TBC1D1: variants seen among roughly 807,000 people sequenced by gnomAD.
TBC1D1 encodes TBC1 (tre-2/USP6, BUB2, cdc16) domain family, member 1.
In TBC1D1, 89 loss-of-function variants were observed where a neutral mutation model predicts 125.6. That is an observed-to-expected ratio of 0.71 (90% CI 0.60 to 0.85). The LOEUF is 0.85. Among genes scored for constraint, TBC1D1 ranks in the 40% least tolerant of loss-of-function variants. TBC1D1 has a pLI of 0.00. For missense variants in TBC1D1, 1,377 were observed against 1,469.2 expected, an observed-to-expected ratio of 0.94 and a Z score of 1.03; for synonymous variants, 565 against 564.1, an observed-to-expected ratio of 1.00 and a Z score of -0.02.
At position 38,049,805 on chromosome 4, in the gene TBC1D1, A is replaced by G; in HGVS notation, c.1817A>G (p.Glu606Gly). 2 of 1,614,182 alleles carry G rather than the reference A, an allele frequency of 1.2e-6. No individual in the cohort carries two copies. Among genetic ancestry groups the G allele is most frequent in the South Asian group, 1.1e-5 (1 of 91,082 alleles). ...AGTCACTTCCCCATCGAATGCCAGG[A>G]ACCTCCACAACCTGCCCGGGGGTCC... Residue 606 changes from glutamate to glycine, a missense_variant, in exon 11 of 20, where the codon GAA becomes GGA. Glu to Gly is a moderately conservative substitution (Grantham distance 98). Transcript: ENST00000261439.
intron 8 of TBC1D1, among the ~76,000 whole-genome samples, chr4:38,038,854 G>A (rs1292581594): frequency 6.6e-6 from 1 of 151,698 alleles, no homozygotes; most frequent in Non-Finnish European, 1.5e-5. Context: ...GCTGAGGCAG[G>A]AGAATGGCAT....
At chr4:37,904,075 A>G (rs1009417223) in intron 2 of TBC1D1, among the ~76,000 whole-genome samples, 2 of 152,208 alleles carry the variant, frequency 1.3e-5, no homozygotes, top group Non-Finnish European at 2.9e-5. Flanking sequence ...GCCTCAGGCA[A>G]TTGAGTCTGT....
At chr4:38,017,693 CTA>C (rs1420272949) in intron 3 of TBC1D1, among the ~76,000 whole-genome samples, 2 of 152,120 alleles carry the variant, frequency 1.3e-5, no homozygotes, top group African/African-American at 2.4e-5. Context: ...TGAGGAGAAA[CTA>C]AAGCTGTAGA....
chr4:38,054,257 CGGAGGCATTCCT>C lies in TBC1D1; in HGVS notation c.1977_1988del (p.His659_Arg662del). The C allele has an allele frequency of 6.2e-7, 1 of 1,614,154 alleles. No homozygotes were observed. Among genetic ancestry groups the C allele is most frequent in the Non-Finnish European group, 8.5e-7 (1 of 1,180,012 alleles). ...TTCTGGTGGGACTCCTGTGAAGACC[CGGAGGCATTCCT>C]GGAGGCAGCAGATATTCCTCCGAGT... On this transcript the variant is annotated inframe_deletion, in exon 12 of 20. Transcript: ENST00000261439.
At chr4:38,135,843 A>AAT (rs1227457371) in intron 19 of TBC1D1, among the ~76,000 whole-genome samples, 180 of 131,542 alleles carry the variant, frequency 1.4e-3, no homozygotes, top group African/African-American at 2.2e-3. Flanking sequence ...AAAAATGAAA[A>AAT]ATATATATAT....
At chr4:37,934,737 G>A (rs1227876293) in intron 2 of TBC1D1, among the ~76,000 whole-genome samples, 2 of 152,154 alleles carry the variant, frequency 1.3e-5, no homozygotes, top group Non-Finnish European at 2.9e-5. Context: ...GGACCCTTCA[G>A]TGTCATTTTT....
At chr4:38,038,161 G>T (rs955856747) in intron 8 of TBC1D1, among the ~76,000 whole-genome samples, 27 of 152,164 alleles carry the variant, frequency 1.8e-4, no homozygotes, top group African/African-American at 5.8e-4. Flanking sequence ...GAGCCACTTT[G>T]TCTGATGTCT....
intron 2 of TBC1D1, among the ~76,000 whole-genome samples, chr4:37,991,239 A>G (rs1365709403): frequency 2.0e-5 from 3 of 149,916 alleles, no homozygotes; most frequent in African/African-American, 7.4e-5. Context: ...AGAACTGACT[A>G]TACACTGTTA....
At chr4:37,905,266 A>T (rs1350637246) in intron 2 of TBC1D1, among the ~76,000 whole-genome samples, 1 of 152,200 alleles carries the variant, frequency 6.6e-6, no homozygotes, top group Non-Finnish European at 1.5e-5. Flanking sequence ...CATAAGCTTT[A>T]TTTCTCAAGA....
In TBC1D1 at chr4:37,904,609, G is replaced by T. The variant is rs142484679; in HGVS notation, c.417+2097G>T. Among the ~76,000 whole-genome samples the T allele has an allele frequency of 3.6e-3, 549 of 152,284 alleles. 2 individuals carry two copies. The highest frequency in any genetic ancestry group is 0.012 in the African/African-American group (506 of 41,554). ...AGATTTATAACCAAATTCTGTAATT[G>T]GGACTTCCAGTCTTTCCCCAAGTAG... On this transcript the variant is annotated intron_variant, in intron 2 of 19. Coordinates refer to ENST00000261439, the MANE Select transcript of TBC1D1 (RefSeq NM_015173.4).
At chr4:38,101,345 C>G (rs564929799) in intron 14 of TBC1D1, among the ~76,000 whole-genome samples, 1 of 152,300 alleles carries the variant, frequency 6.6e-6, no homozygotes, top group Admixed American at 6.5e-5. Context: ...GACTTGGCAT[C>G]TTATTCTTCA....
chr4:38,071,049 G>C (rs1006042390), intron 12 of TBC1D1, among the ~76,000 whole-genome samples: 6 of 152,132 alleles, frequency 3.9e-5, no homozygotes, highest in African/African-American at 1.4e-4. Context: ...TATTCAACTT[G>C]GCATGACCAG....
intron 13 of TBC1D1, among the ~76,000 whole-genome samples, chr4:38,093,076 A>G (rs1361894303): frequency 6.6e-6 from 1 of 152,234 alleles, no homozygotes; most frequent in Non-Finnish European, 1.5e-5. Flanking sequence ...GACATTGAGC[A>G]TAAAGACATT....
intron 17 of TBC1D1, among the ~76,000 whole-genome samples, chr4:38,121,856 T>G (rs761422090): frequency 2.6e-5 from 4 of 152,174 alleles, no homozygotes; most frequent in African/African-American, 9.7e-5. Context: ...TTTAAAAAAA[T>G]TTCCAAAGCC....
chr4:38,099,006 G>A (rs1326759107), intron 14 of TBC1D1, among the ~76,000 whole-genome samples: 4 of 152,198 alleles, frequency 2.6e-5, no homozygotes, highest in African/African-American at 9.7e-5. Context: ...TTTCTCTAAA[G>A]ATATCTAGAT....
intron 12 of TBC1D1, among the ~76,000 whole-genome samples, chr4:38,071,280 AAAAG>A (rs1754659702): frequency 1.3e-5 from 2 of 152,260 alleles, no homozygotes; most frequent in Admixed American, 1.3e-4. Flanking sequence ...CCAAGTGTCC[AAAAG>A]CACTGTGTTG....
intron 2 of TBC1D1, among the ~76,000 whole-genome samples, chr4:38,013,286 T>C (rs1305783959): frequency 6.6e-6 from 1 of 152,194 alleles, no homozygotes; most frequent in East Asian, 1.9e-4. Flanking sequence ...GAGTCATTGG[T>C]TTTGGGAATT....
chr4:37,903,668 G>T lies in TBC1D1; in HGVS notation c.417+1156G>T, dbSNP rs555809026. On this transcript the variant is annotated intron_variant, in intron 2 of 19. Coordinates refer to ENST00000261439, the MANE Select transcript of TBC1D1 (RefSeq NM_015173.4). ...CCTTATTTAGAAATTAATATTCTTG[G>T]TATCAAGTAGATGCCCTTTTGCTTG... is the stretch of plus-strand genomic sequence containing the variant. Among the ~76,000 whole-genome samples, 5 of 152,230 alleles carry T rather than the reference G, an allele frequency of 3.3e-5. No homozygotes were observed. In the South Asian group the frequency reaches 8.3e-4, roughly 25 times the overall value.
intron 2 of TBC1D1, among the ~76,000 whole-genome samples, chr4:37,967,940 G>A (rs997909315): frequency 2.0e-5 from 3 of 152,090 alleles, no homozygotes; most frequent in Admixed American, 6.5e-5. Flanking sequence ...TGAAACAAGC[G>A]CACAGTGTTT....
Sources: allele counts gnomAD v4.1 joint callset (sites outside exome capture counted in the v4.1 genomes callset), GRCh38; gene constraint gnomAD v4.1.1; transcripts MANE v1.5; gene names NCBI Gene and HGNC (gene_info 2026-07-23, HGNC 2026-07-21).